The following SCN7A variants were observed in gnomAD, a reference collection of about 807,000 sequenced individuals.
SCN7A encodes the protein sodium voltage-gated channel alpha subunit 7, also known as sodium channel protein type 7 subunit alpha.
A neutral mutation model predicts 155.2 loss-of-function variants in SCN7A; 138 were observed. The ratio of observed to expected loss-of-function variants is 0.89; its 90% CI spans 0.77 to 1.02. The LOEUF is 1.02. Ranked by LOEUF, SCN7A falls within the 50% of genes least tolerant of loss-of-function variation. SCN7A has a pLI of 0.00. For synonymous variants in SCN7A, 693 were observed against 649.0 expected, an observed-to-expected ratio of 1.07 and a Z score of -1.03; for missense variants, 2,058 against 1,986.6, an observed-to-expected ratio of 1.04 and a Z score of -0.68.
Position 166,406,387 on chromosome 2 carries a change from C to T in SCN7A, c.4242G>A (p.Val1414=), listed in dbSNP as rs183936075. 6.8e-4 allele frequency: 1,098 copies of T among 1,612,998 alleles called. 8 individuals are homozygous for T. The African/African-American group carries it at 0.013, about 19-fold the overall frequency. ...TGTTGCCAAAGGTTTCAAAATTAGA[C>T]ACATCATTAATTCCAGCTTCTTTTT... The part of the protein sequence containing the change: ...YVKKEAGIND[V]SNFETFGNSM... Residue 1414 remains valine (V), a synonymous_variant, in exon 26 of 26, where the codon GTG becomes GTA. Coordinates refer to ENST00000643258, the MANE Select transcript of SCN7A (RefSeq NM_002976.4).
intron 2 of SCN7A, among the ~76,000 whole-genome samples, chr2:166,485,523 A>T (rs1170864906): frequency 6.6e-6 from 1 of 152,140 alleles, no homozygotes; most frequent in African/African-American, 2.4e-5. Flanking sequence ...GAAACACTAG[A>T]AAAGGACACG....
At position 166,404,765 on chromosome 2, in the gene SCN7A, T is replaced by C. The variant is rs1426407713; in HGVS notation, c.*815A>G. The stretch of plus-strand genomic sequence containing the variant: ...CTTGAGTCTATTAACATGTTATTTA[T>C]TACATCATTTTAGTAAATGTATACT... On this transcript the variant is annotated 3_prime_UTR_variant, in exon 26 of 26. Coordinates refer to ENST00000643258, the MANE Select transcript of SCN7A (RefSeq NM_002976.4). 1 of 149,760 alleles carries C rather than the reference T, an allele frequency of 6.7e-6. No individual in the cohort carries two copies. The highest frequency in any genetic ancestry group is 1.5e-5 in the Non-Finnish European group (1 of 67,610). The allele number at this position is 149,760 out of a possible 1,614,324, so 9.3% of individuals were successfully genotyped here.
At chr2:166,435,418 G>C (rs1268782007) in intron 15 of SCN7A, among the ~76,000 whole-genome samples, 1 of 76,838 alleles carries the variant, frequency 1.3e-5, no homozygotes, top group Non-Finnish European at 2.7e-5. Flanking sequence ...TATTATTTTT[G>C]CGTTGAGAGA....
At chr2:166,427,682 A>G (rs1701652615) in intron 18 of SCN7A, 106 bp downstream of exon 18, 1 of 1,013,296 alleles carries the variant, frequency 9.9e-7, no homozygotes, top group African/African-American at 1.6e-5. Flanking sequence ...TTGGTGCTAT[A>G]CTAAATATCC....
intron 11 of SCN7A, among the ~76,000 whole-genome samples, chr2:166,450,996 T>A (rs904076434): frequency 6.6e-6 from 1 of 152,160 alleles, no homozygotes; most frequent in Non-Finnish European, 1.5e-5. Flanking sequence ...GTATCTCTCA[T>A]AAAGATGACA....
Position 166,406,363 on chromosome 2 carries a change from GTT to G in SCN7A, c.4264_4265del (p.Asn1422GlnfsTer19). The G allele has an allele frequency of 6.2e-7, 1 of 1,613,152 alleles. No homozygotes were observed. Among genetic ancestry groups the G allele is most frequent in the Non-Finnish European group, 8.5e-7 (1 of 1,179,402 alleles). Reference sequence around the variant, plus strand: ...CAACTTGAAAAAGACAGAGCATACTGTTGCCAAAGGTTTCAAAATTAGACACA... The same window carrying G: ...CAACTTGAAAAAGACAGAGCATACTGGCCAAAGGTTTCAAAATTAGACACA... The part of the protein sequence containing the change: ...NDVSNFETFG[N>X]SMLCLFQVAI... On this transcript the variant is annotated frameshift_variant, in exon 26 of 26. Transcript: ENST00000643258. LOFTEE classifies it high-confidence loss of function.
In SCN7A at chr2:166,404,562, G is replaced by C. The variant is rs977460371; in HGVS notation, c.*1018C>G. The C allele has an allele frequency of 6.6e-6, 1 of 151,704 alleles. No homozygotes were observed. The highest frequency in any genetic ancestry group is 1.5e-5 in the Non-Finnish European group (1 of 67,854). 9.4% of individuals were successfully genotyped at this position (151,704 alleles called of 1,614,324 possible). A position where few individuals can be genotyped will look rare whatever the true frequency, so the allele number is the denominator to read the frequency against. On this transcript the variant is annotated 3_prime_UTR_variant, in exon 26 of 26. Coordinates refer to ENST00000643258, the MANE Select transcript of SCN7A (RefSeq NM_002976.4). Reference sequence around the variant, plus strand: ...AAAGAATTATAACATACAGTAAAAAGTACTTTAAAGTTGCCACAACTTTCC... The same window carrying C: ...AAAGAATTATAACATACAGTAAAAACTACTTTAAAGTTGCCACAACTTTCC...
At chr2:166,411,163 A>G (rs1242356802) in intron 23 of SCN7A, among the ~76,000 whole-genome samples, 1 of 152,108 alleles carries the variant, frequency 6.6e-6, no homozygotes, top group East Asian at 1.9e-4. Flanking sequence ...CACTTTCCAC[A>G]CTATCAGTTA....
intron 21 of SCN7A, among the ~76,000 whole-genome samples, chr2:166,415,958 G>A (rs1392972136): frequency 6.6e-6 from 1 of 152,032 alleles, no homozygotes; most frequent in East Asian, 1.9e-4. Flanking sequence ...GTGCAAGTAG[G>A]GAAGATATCA....
At chr2:166,475,116 AT>A (rs1702761845) in intron 3 of SCN7A, among the ~76,000 whole-genome samples, 1 of 123,936 alleles carries the variant, frequency 8.1e-6, no homozygotes, top group East Asian at 2.5e-4. Context: ...ATATATATAT[AT>A]ATACATATAT....
At chr2:166,433,062 T>G (rs904502127) in intron 15 of SCN7A, among the ~76,000 whole-genome samples, 4 of 152,110 alleles carry the variant, frequency 2.6e-5, no homozygotes, top group African/African-American at 9.7e-5. Flanking sequence ...GAAAGAACAC[T>G]TAACCCATTT....
chr2:166,475,963 C>T (rs1374919095), intron 3 of SCN7A, among the ~76,000 whole-genome samples: 1 of 151,820 alleles, frequency 6.6e-6, no homozygotes, highest in African/African-American at 2.4e-5. Context: ...TAGCACTTTG[C>T]CAGCCATGTC....
chr2:166,425,222 G>A (rs1575014862), intron 18 of SCN7A, among the ~76,000 whole-genome samples: 1 of 152,044 alleles, frequency 6.6e-6, no homozygotes, highest in Non-Finnish European at 1.5e-5. Context: ...TCTCTTTAAG[G>A]TCTACCTCTA....
intron 9 of SCN7A, among the ~76,000 whole-genome samples, chr2:166,463,103 G>A (rs909491117): frequency 6.6e-6 from 1 of 152,162 alleles, no homozygotes; most frequent in Non-Finnish European, 1.5e-5. Context: ...ATTTTCAAAT[G>A]ACTTCATGTA....
Position 166,406,635 on chromosome 2 carries a change from G to A in SCN7A, c.3994C>T (p.Pro1332Ser). 1 of 1,603,268 alleles carries A rather than the reference G, an allele frequency of 6.2e-7. No individual in the cohort carries two copies. The highest frequency in any genetic ancestry group is 8.5e-7 in the Non-Finnish European group (1 of 1,174,142). Residue 1332 changes from proline (P) to serine (S), a missense_variant, in exon 26 of 26, where the codon CCT (proline) becomes TCT (serine). Coordinates refer to ENST00000643258, the MANE Select transcript of SCN7A (RefSeq NM_002976.4). The part of the protein sequence containing the change: ...VIFSITGLCL[P>S]MTVGSYLVPP... ...ACAAGGTAGGATCCTACTGTCATAG[G>A]CAGACATAGTCCTGGGGGTGGGAAA...
At chr2:166,410,834 G>A (rs1325956209) in intron 23 of SCN7A, among the ~76,000 whole-genome samples, 2 of 151,746 alleles carry the variant, frequency 1.3e-5, no homozygotes, top group Admixed American at 6.6e-5. Context: ...TTCATAGCAC[G>A]GTTGAGGGCT....
At chr2:166,488,036 A>T (rs1703090560) in intron 1 of SCN7A, among the ~76,000 whole-genome samples, 1 of 152,196 alleles carries the variant, frequency 6.6e-6, no homozygotes, top group African/African-American at 2.4e-5. Context: ...TGGGATCAGA[A>T]GGTACCATCG....
chr2:166,493,646 C>A (rs1200496616), intron 1 of SCN7A, among the ~76,000 whole-genome samples: 1 of 152,116 alleles, frequency 6.6e-6, no homozygotes, highest in Non-Finnish European at 1.5e-5. Context: ...ATCATTGTAC[C>A]ATGTAATGTA....
intron 19 of SCN7A, among the ~76,000 whole-genome samples, chr2:166,422,256 G>A (rs1405858665): frequency 2.6e-5 from 4 of 152,042 alleles, no homozygotes; most frequent in Non-Finnish European, 5.9e-5. Flanking sequence ...TAATATGACA[G>A]AAATTGTTCT....
Sources: allele counts gnomAD v4.1 joint callset (sites outside exome capture counted in the v4.1 genomes callset), GRCh38; gene constraint gnomAD v4.1.1; transcripts MANE v1.5; gene names NCBI Gene and HGNC (gene_info 2026-07-23, HGNC 2026-07-21).